Variants in RELB observed in about 807,000 individuals in gnomAD.
RELB encodes the protein RELB proto-oncogene, NF-kB subunit.
RELB carries 14 observed loss-of-function variants against 55.4 expected under a neutral mutation model. The observed-to-expected ratio is 0.25, with a 90% confidence interval of 0.17 to 0.40. The LOEUF (loss-of-function observed/expected upper bound fraction) is 0.40. Among genes scored for constraint, RELB ranks in the 10% least tolerant of loss-of-function variants. The pLI is 1.00. For missense variants in RELB, 669 were observed against 830.7 expected (o/e 0.81, Z 2.39); for synonymous variants, 409 against 371.3 (o/e 1.10, Z -1.17).
chr19:45,031,551 C>G (rs767745403), intron 8 of RELB, among the ~76,000 whole-genome samples: 2 of 152,084 alleles, frequency 1.3e-5, no homozygotes, highest in Non-Finnish European at 1.5e-5. Flanking sequence ...TCTTGAGGAT[C>G]CCTGGACATG....
chr19:45,019,064 C>T (rs1423148266), intron 4 of RELB, among the ~76,000 whole-genome samples: 2 of 152,038 alleles, frequency 1.3e-5, no homozygotes, highest in Admixed American at 1.3e-4. Flanking sequence ...CAGATACATA[C>T]ATTTTTGTTT....
At chr19:45,003,088 G>A (rs780385010) in intron 2 of RELB, 92 bp downstream of exon 2, 2 of 1,272,456 alleles carry the variant, frequency 1.6e-6, no homozygotes, top group Admixed American at 2.1e-5. Context: ...GGGTTCACGA[G>A]GTCCACCTCA....
At chr19:45,011,789 TGTGTGTGTGAGAGAGAGAGAGAGA>T (rs1971356538) in intron 3 of RELB, 123 bp from the exon 4 acceptor site, 6 of 307,252 alleles carry the variant, frequency 2.0e-5, no homozygotes, top group African/African-American at 1.6e-4. Flanking sequence ...TGTGTGTGTG[TGTGTGTGTGAGAGAGAGAGAGAGA>T]GAGAGAGAGA....
chr19:45,035,374 C>G (rs987847484), intron 11 of RELB, among the ~76,000 whole-genome samples: 1 of 151,732 alleles, frequency 6.6e-6, no homozygotes, highest in Non-Finnish European at 1.5e-5. Flanking sequence ...CAAAAATTAG[C>G]CGAGTGTGGT....
intron 4 of RELB, among the ~76,000 whole-genome samples, chr19:45,019,423 C>T (rs539001771): frequency 3.3e-5 from 5 of 152,090 alleles, no homozygotes; most frequent in Non-Finnish European, 5.9e-5. Context: ...TGCTACTTCA[C>T]CCCTAATTCC....
intron 2 of RELB, chr19:45,008,410 G>A (rs865855450): frequency 1.1e-4 from 48 of 455,958 alleles, no homozygotes; most frequent in Middle Eastern, 6.5e-4. Context: ...CCTACAGCCC[G>A]GGAGCCTCTG....
rs929585311 is a variant in RELB at position 45,001,863 on chromosome 19, G to T, written c.106+178G>T. Among the ~76,000 whole-genome samples the T allele has an allele frequency of 2.6e-5, 4 of 152,312 alleles. No individual in the cohort carries two copies. The East Asian group carries it at 7.7e-4, about 29-fold the overall frequency. On this transcript the variant is annotated intron_variant, in intron 1 of 11. Transcript: ENST00000221452. ...GGAAGAAGGCAGAGGGTGATGAGGGGGTACGGCCCGAGGTTCGAGCGAGGC... is the reference window on the plus strand; with the variant it reads ...GGAAGAAGGCAGAGGGTGATGAGGGTGTACGGCCCGAGGTTCGAGCGAGGC...
chr19:45,028,948 C>T lies in RELB; in HGVS notation c.947C>T (p.Thr316Ile), dbSNP rs749563563. ...CRINKESGPCTGGEELYLLCD... is the reference protein window; with the variant it reads ...CRINKESGPCIGGEELYLLCD... ...ATTAACAAGGAAAGCGGGCCGTGCA[C>T]CGGTGGCGAGGAGCTCTACTTGCTC... is the stretch of plus-strand genomic sequence containing the variant. Residue 316 changes from threonine to isoleucine, a missense_variant, in exon 8 of 12, where the codon ACC (threonine) becomes ATC (isoleucine). By Grantham distance (89) the Thr-to-Ile change is moderately conservative (BLOSUM62 -1). Coordinates refer to ENST00000221452, the MANE Select transcript of RELB (RefSeq NM_006509.4). The T allele has an allele frequency of 5.0e-6, 8 of 1,597,752 alleles. No individual in the cohort carries two copies. The highest frequency in any genetic ancestry group is 1.1e-5 in the South Asian group (1 of 87,712).
intron 2 of RELB, among the ~76,000 whole-genome samples, chr19:45,003,915 G>GTTTTTTTTTTTTTTTTTTTTTTTTTTTT (rs1039624578): frequency 6.3e-5 from 4 of 63,574 alleles, no homozygotes; most frequent in East Asian, 6.1e-4. Context: ...TGTTTTTTGT[G>GTTTTTTTTTTTTTTTTTTTTTTTTTTTT]TTTTTTTTTT....
intron 11 of RELB, among the ~76,000 whole-genome samples, chr19:45,036,681 T>C (rs752003307): frequency 5.1e-4 from 77 of 152,122 alleles, no homozygotes; most frequent in Non-Finnish European, 7.8e-4. Flanking sequence ...CTTAGTTTAC[T>C]TATTATTAAT....
At chr19:45,030,983 C>A (rs1018127387) in intron 8 of RELB, among the ~76,000 whole-genome samples, 1 of 152,124 alleles carries the variant, frequency 6.6e-6, no homozygotes, top group Admixed American at 6.6e-5. Context: ...CGTCTTTATA[C>A]AATACGGTAC....
intron 4 of RELB, among the ~76,000 whole-genome samples, chr19:45,021,653 C>G (rs1287439321): frequency 8.0e-6 from 1 of 125,550 alleles, no homozygotes; most frequent in Non-Finnish European, 1.6e-5. Flanking sequence ...CGGCTCACTG[C>G]ATCCTCCGCC....
intron 4 of RELB, among the ~76,000 whole-genome samples, chr19:45,018,147 G>C (rs1971442824): frequency 6.6e-6 from 1 of 151,938 alleles, no homozygotes; most frequent in African/African-American, 2.4e-5. Context: ...GCTCAGGCCT[G>C]TAATCCCAGC....
chr19:45,006,442 G>A (rs759885164), intron 2 of RELB, among the ~76,000 whole-genome samples: 51 of 151,998 alleles, frequency 3.4e-4, no homozygotes, highest in Non-Finnish European at 2.9e-5. Context: ...GACCTCCACT[G>A]ATCCAGCCAC....
chr19:45,025,350 G>C lies in RELB; in HGVS notation c.684G>C (p.Gln228His). ...PRHSFNNLGI[Q>H]CVRKKEIEAA... ...TCAGTTTTAACAACCTGGGCATCCA[G>C]TGTGTGAGGAAGAAGGAGATTGAGG... The change falls in exon 6 of 12, where the codon CAG becomes CAC. Residue 228 changes from glutamine to histidine, a missense_variant. Coordinates refer to ENST00000221452, the MANE Select transcript of RELB (RefSeq NM_006509.4). 1.2e-6 allele frequency: 2 copies of C among 1,612,348 alleles called. No individual in the cohort carries two copies. The highest frequency in any genetic ancestry group is 1.7e-6 in the Non-Finnish European group (2 of 1,179,322).
At position 45,004,921 on chromosome 19, in the gene RELB, G is replaced by T. The variant is rs550356302; in HGVS notation, c.154+1925G>T. ...GTGGTGGCTCACTCCTGTGATCCCA[G>T]CACTTTGGGAGGTCGAGACAGGCAG... On this transcript the variant is annotated intron_variant, in intron 2 of 11. Coordinates refer to ENST00000221452, the MANE Select transcript of RELB (RefSeq NM_006509.4). Among the ~76,000 whole-genome samples the T allele has an allele frequency of 6.0e-4, 92 of 152,074 alleles. 1 individual carries two copies. Among genetic ancestry groups the T allele is most frequent in the African/African-American group, 2.1e-3 (89 of 41,496 alleles).
At chr19:45,022,838 C>T (rs1040174456) in intron 5 of RELB, among the ~76,000 whole-genome samples, 9 of 152,122 alleles carry the variant, frequency 5.9e-5, no homozygotes, top group African/African-American at 1.9e-4. Context: ...CATGAGCCAC[C>T]GTGCCGGCCT....
chr19:45,034,424 G>A (rs764194437), intron 10 of RELB, 27 bp from the exon 11 acceptor site: 1 of 1,610,972 alleles, frequency 6.2e-7, no homozygotes, highest in South Asian at 1.1e-5. Flanking sequence ...TCGGGGAACA[G>A]GGGTCCTCAT....
At chr19:45,028,434 C>G (rs1971583219) in intron 7 of RELB, among the ~76,000 whole-genome samples, 1 of 152,154 alleles carries the variant, frequency 6.6e-6, no homozygotes, top group African/African-American at 2.4e-5. Context: ...CCTGCAACCC[C>G]TGTCTCCTGG....
Sources: gnomAD v4.1 joint callset for allele counts (sites outside exome capture counted in the v4.1 genomes callset) on GRCh38, gnomAD v4.1.1 for gene constraint, MANE v1.5 for transcripts, NCBI Gene and HGNC (gene_info 2026-07-23, HGNC 2026-07-21) for gene names.